The following FAM193A variants were observed in gnomAD, a reference collection of about 807,000 sequenced individuals.
FAM193A encodes protein FAM193A.
A neutral mutation model predicts 126.5 loss-of-function variants in FAM193A; 22 were observed. The observed-to-expected ratio is 0.17, with a 90% confidence interval of 0.12 to 0.25. The LOEUF (loss-of-function observed/expected upper bound fraction) is 0.25, where lower values mean the gene tolerates loss of function less well. Among genes scored for constraint, FAM193A ranks in the 10% least tolerant of loss-of-function variants. The pLI is 1.00. For synonymous variants in FAM193A, 761 were observed against 646.8 expected, an observed-to-expected ratio of 1.18 and a Z score of -2.68; for missense variants, 1,675 against 1,672.8, an observed-to-expected ratio of 1.00 and a Z score of -0.02.
intron 2 of FAM193A, among the ~76,000 whole-genome samples, chr4:2,615,913 G>A (rs1453189208): frequency 6.6e-6 from 1 of 152,156 alleles, no homozygotes; most frequent in East Asian, 1.9e-4. Flanking sequence ...TCTGGTTCAA[G>A]CGATTCTCCT....
At chr4:2,625,140 T>A in intron 2 of FAM193A, 122 bp from the exon 3 acceptor site, 1 of 586,412 alleles carries the variant, frequency 1.7e-6, no homozygotes, top group South Asian at 2.1e-5. Context: ...GCCAAGATAG[T>A]TTCTTTTCAA....
At chr4:2,556,918 T>C (rs1738292729) in intron 1 of FAM193A, among the ~76,000 whole-genome samples, 1 of 152,144 alleles carries the variant, frequency 6.6e-6, no homozygotes, top group South Asian at 2.1e-4. Flanking sequence ...ACAGGATTTT[T>C]AAAAATAAAC....
intron 15 of FAM193A, among the ~76,000 whole-genome samples, chr4:2,692,192 A>G (rs1228522556): frequency 6.6e-6 from 1 of 152,180 alleles, no homozygotes; most frequent in East Asian, 1.9e-4. Flanking sequence ...ATGGCTAGGG[A>G]GGCTTCAGGA....
chr4:2,544,170 G>C (rs191312910), intron 1 of FAM193A, among the ~76,000 whole-genome samples: 1 of 152,224 alleles, frequency 6.6e-6, no homozygotes, highest in East Asian at 1.9e-4. Flanking sequence ...AGTTTAAATG[G>C]TTACCATACA....
chr4:2,540,423 G>GC (rs1419113564), intron 1 of FAM193A, among the ~76,000 whole-genome samples: 1 of 151,844 alleles, frequency 6.6e-6, no homozygotes, highest in Non-Finnish European at 1.5e-5. Flanking sequence ...AGCCGAGATG[G>GC]CGCCACTGCA....
At chr4:2,631,637 A>G (rs1472067517) in intron 5 of FAM193A, among the ~76,000 whole-genome samples, 2 of 152,234 alleles carry the variant, frequency 1.3e-5, no homozygotes, top group Non-Finnish European at 2.9e-5. Context: ...TCATGCAGGC[A>G]TGCATGCACT....
chr4:2,616,406 TA>T (rs1185253396), intron 2 of FAM193A, among the ~76,000 whole-genome samples: 4 of 152,222 alleles, frequency 2.6e-5, no homozygotes, highest in Non-Finnish European at 5.9e-5. Context: ...CTTGCCTTTT[TA>T]AAGTCTAGTC....
intron 2 of FAM193A, among the ~76,000 whole-genome samples, chr4:2,606,611 G>A (rs1331730803): frequency 6.6e-6 from 1 of 152,198 alleles, no homozygotes; most frequent in Non-Finnish European, 1.5e-5. Context: ...CCATTGGTCT[G>A]TCTTGTCCTC....
chr4:2,641,429 C>T (rs984722121), intron 6 of FAM193A, among the ~76,000 whole-genome samples: 11 of 151,882 alleles, frequency 7.2e-5, no homozygotes, highest in Non-Finnish European at 1.3e-4. Flanking sequence ...GAGGCCGAGG[C>T]GGGCAGATCA....
At chr4:2,605,970 CAAAAAAAAAAAAAAAA>C (rs1160026686) in intron 2 of FAM193A, among the ~76,000 whole-genome samples, 8 of 31,892 alleles carry the variant, frequency 2.5e-4, no homozygotes, top group Non-Finnish European at 3.9e-4. Flanking sequence ...GACTCTGTCT[CAAAAAAAAAAAAAAAA>C]AAAAAAAAAA....
chr4:2,603,823 C>T (rs73207337), intron 2 of FAM193A, among the ~76,000 whole-genome samples: 40,197 of 151,484 alleles, frequency 0.27, 5,791 homozygotes, highest in Middle Eastern at 0.39. Context: ...TGTAAGTATC[C>T]AAACACATAT....
intron 1 of FAM193A, among the ~76,000 whole-genome samples, chr4:2,550,561 C>T (rs1275322281): frequency 1.3e-5 from 2 of 151,608 alleles, no homozygotes; most frequent in East Asian, 2.0e-4. Flanking sequence ...CCCAGCCTCC[C>T]GAGTAGCTGG....
intron 19 of FAM193A, chr4:2,708,312 A>T (rs762195641): frequency 1.3e-5 from 4 of 310,850 alleles, no homozygotes; most frequent in African/African-American, 9.2e-5. Flanking sequence ...TTTAGTAGAG[A>T]TAGAGTTTCA....
At chr4:2,698,695 G>A (rs1717323221) in intron 18 of FAM193A, among the ~76,000 whole-genome samples, 1 of 152,316 alleles carries the variant, frequency 6.6e-6, no homozygotes, top group East Asian at 1.9e-4. Flanking sequence ...GGTGGTGGGT[G>A]GAGCCGTGCT....
chr4:2,713,136 G>A (rs958780071), intron 19 of FAM193A, among the ~76,000 whole-genome samples: 34 of 149,152 alleles, frequency 2.3e-4, no homozygotes, highest in African/African-American at 6.9e-4. Flanking sequence ...TCCAGGTGCT[G>A]TGGCTCACGC....
intron 2 of FAM193A, among the ~76,000 whole-genome samples, chr4:2,620,172 G>A (rs571911201): frequency 5.9e-5 from 9 of 152,302 alleles, no homozygotes; most frequent in African/African-American, 2.2e-4. Flanking sequence ...ATCTGTATAT[G>A]ATGAGTGCTA....
At position 2,732,051 on chromosome 4, in the gene FAM193A, A is replaced by G. The variant is rs779991800; in HGVS notation, c.*183A>G. The G allele has an allele frequency of 1.3e-5, 8 of 621,270 alleles. No homozygotes were observed. The highest frequency in any genetic ancestry group is 5.5e-5 in the African/African-American group (3 of 55,034). 38.5% of individuals were successfully genotyped at this position (621,270 alleles called of 1,614,324 possible). ...CCACGCCGTTAGCTCGTGTGCGTGTAGTCTGTGCGTGAGACTCCTTCGATT... is the reference window on the plus strand; with the variant it reads ...CCACGCCGTTAGCTCGTGTGCGTGTGGTCTGTGCGTGAGACTCCTTCGATT... On this transcript the variant is annotated 3_prime_UTR_variant, in exon 21 of 21. Transcript: ENST00000637812.
chr4:2,592,113 TG>T (rs746112670), intron 1 of FAM193A, among the ~76,000 whole-genome samples: 1 of 152,092 alleles, frequency 6.6e-6, no homozygotes, highest in Non-Finnish European at 1.5e-5. Flanking sequence ...TTTTTTGAGA[TG>T]GAGTATTGCT....
chr4:2,587,268 G>A (rs1740287628), intron 1 of FAM193A, among the ~76,000 whole-genome samples: 1 of 152,214 alleles, frequency 6.6e-6, no homozygotes, highest in Non-Finnish European at 1.5e-5. Flanking sequence ...AGATGGGAAA[G>A]GAGGTGCCAG....
Sources: allele counts gnomAD v4.1 joint callset (sites outside exome capture counted in the v4.1 genomes callset), GRCh38; gene constraint gnomAD v4.1.1; transcripts MANE v1.5; gene names NCBI Gene and HGNC (gene_info 2026-07-23, HGNC 2026-07-21).